BABAM2: variants seen among roughly 807,000 people sequenced by gnomAD.
BABAM2 encodes BRISC and BRCA1-A complex member 2.
BABAM2 carries 31 observed loss-of-function variants against 54.7 expected under a neutral mutation model. That is an observed-to-expected ratio of 0.57 (90% CI 0.43 to 0.77). BABAM2 has a LOEUF of 0.77. Ranked by LOEUF, BABAM2 falls within the 30% of genes least tolerant of loss-of-function variation. BABAM2 has a pLI of 0.00. For missense variants in BABAM2, 364 were observed against 455.8 expected, an observed-to-expected ratio of 0.80 and a Z score of 1.83; for synonymous variants, 167 against 162.9, an observed-to-expected ratio of 1.03 and a Z score of -0.19.
At chr2:28,316,344 C>T (rs1000851086) in intron 11 of BABAM2, among the ~76,000 whole-genome samples, 2 of 146,508 alleles carry the variant, frequency 1.4e-5, no homozygotes, top group Admixed American at 1.4e-4. Context: ...GTAGAGACAT[C>T]AAATCTAATG....
chr2:28,271,741 C>G (rs1347158198), intron 10 of BABAM2, among the ~76,000 whole-genome samples: 1 of 152,182 alleles, frequency 6.6e-6, no homozygotes, highest in East Asian at 1.9e-4. Flanking sequence ...TGGTACAATA[C>G]AGAAAGACTC....
intron 6 of BABAM2, among the ~76,000 whole-genome samples, chr2:28,066,648 A>G (rs1440172698): frequency 1.3e-5 from 2 of 152,130 alleles, no homozygotes; most frequent in Non-Finnish European, 2.9e-5. Flanking sequence ...AAGATGGTTC[A>G]CTCACATGGC....
chr2:28,311,910 T>G (rs895830970), intron 11 of BABAM2, among the ~76,000 whole-genome samples: 1 of 152,236 alleles, frequency 6.6e-6, no homozygotes, highest in African/African-American at 2.4e-5. Flanking sequence ...AACACTTCAG[T>G]TGCAGAACGT....
chr2:28,079,137 A>G (rs544436385), intron 6 of BABAM2, among the ~76,000 whole-genome samples: 1 of 152,356 alleles, frequency 6.6e-6, no homozygotes, highest in African/African-American at 2.4e-5. Context: ...AAATGGCAAT[A>G]AAATCATTTC....
intron 6 of BABAM2, among the ~76,000 whole-genome samples, chr2:28,074,573 G>C (rs934628492): frequency 2.6e-5 from 4 of 152,056 alleles, no homozygotes; most frequent in Non-Finnish European, 5.9e-5. Flanking sequence ...ATAAAACAGG[G>C]TTTTTACTTC....
chr2:28,147,720 G>A (rs527601583), intron 7 of BABAM2, among the ~76,000 whole-genome samples: 8 of 152,256 alleles, frequency 5.3e-5, no homozygotes, highest in African/African-American at 9.6e-5. Context: ...TGATCCACCC[G>A]TCTCGGCCTC....
chr2:28,224,780 A>C lies in BABAM2; in HGVS notation c.681-12422A>C, dbSNP rs540813767. Among the ~76,000 whole-genome samples the C allele has an allele frequency of 8.0e-5, 12 of 150,460 alleles. No individual in the cohort carries two copies. In the South Asian group the frequency reaches 2.5e-3, roughly 32 times the overall value. On this transcript the variant is annotated intron_variant, in intron 7 of 11. Transcript: ENST00000379624. ...TGAAGCAGAATTCCAATGTTTTGAC[A>C]CACCACCACATTGTTAGCACGATAG...
At chr2:28,332,239 A>G (rs574276152) in intron 11 of BABAM2, among the ~76,000 whole-genome samples, 8 of 152,276 alleles carry the variant, frequency 5.3e-5, no homozygotes, top group African/African-American at 1.7e-4. Context: ...GCAGCAAACC[A>G]CCATGGCACA....
intron 11 of BABAM2, 52 bp downstream of exon 11, chr2:28,298,543 G>T (rs775363065): frequency 2.2e-5 from 36 of 1,605,484 alleles, no homozygotes; most frequent in Non-Finnish European, 3.1e-5. Context: ...TGTTTATCTA[G>T]TCCAGGGGTT....
intron 7 of BABAM2, among the ~76,000 whole-genome samples, chr2:28,196,836 C>CTTTTTTT (rs759950166): frequency 0.079 from 3,180 of 40,214 alleles, 1,078 homozygotes; most frequent in Middle Eastern, 0.14. Context: ...GAGACCCTGT[C>CTTTTTTT]TTTTTTTTTT....
intron 7 of BABAM2, among the ~76,000 whole-genome samples, chr2:28,221,545 A>G (rs926956740): frequency 9.2e-5 from 14 of 152,218 alleles, no homozygotes; most frequent in East Asian, 5.8e-4. Context: ...CCAATATATC[A>G]TGGCCATTTG....
At chr2:28,115,664 A>T (rs896907748) in intron 6 of BABAM2, among the ~76,000 whole-genome samples, 10 of 151,852 alleles carry the variant, frequency 6.6e-5, no homozygotes, top group Non-Finnish European at 1.5e-4. Context: ...AGATAAATAA[A>T]AAAAAGAGTA....
At chr2:28,162,592 G>A (rs544842597) in intron 7 of BABAM2, among the ~76,000 whole-genome samples, 41 of 152,304 alleles carry the variant, frequency 2.7e-4, no homozygotes, top group African/African-American at 9.6e-4. Context: ...TTCTTCCTAA[G>A]TGCTGTTATG....
chr2:28,087,888 G>A (rs557773599), intron 6 of BABAM2, among the ~76,000 whole-genome samples: 136 of 152,256 alleles, frequency 8.9e-4, no homozygotes, highest in African/African-American at 3.1e-3. Flanking sequence ...GACGTCAAGT[G>A]ATCTGCCCAT....
Position 27,988,033 on chromosome 2 carries a change from C to T in BABAM2, c.246C>T (p.Pro82=), listed in dbSNP as rs765887686. 92 of 1,613,536 alleles carry T rather than the reference C, an allele frequency of 5.7e-5. No homozygotes were observed. In the Admixed American group the frequency reaches 1.3e-3, roughly 23 times the overall value. ...ATGCCCAATACCCAGAACTGCCTCC[C>T]GATTTTATCTTTGGAGAAGATGCTG... ...IFNAQYPELP[P]DFIFGEDAEF... is the part of the protein sequence containing the mutation. The change falls in exon 4 of 12, where the codon CCC becomes CCT. Residue 82 remains proline, a synonymous_variant. Transcript: ENST00000379624.
intron 4 of BABAM2, among the ~76,000 whole-genome samples, chr2:27,994,510 G>A (rs1226689360): frequency 1.3e-5 from 2 of 152,146 alleles, no homozygotes; most frequent in African/African-American, 4.8e-5. Flanking sequence ...ACACTATGCT[G>A]ACTTATGATG....
At chr2:27,976,839 T>C (rs1671643911) in intron 3 of BABAM2, among the ~76,000 whole-genome samples, 1 of 152,176 alleles carries the variant, frequency 6.6e-6, no homozygotes, top group African/African-American at 2.4e-5. Flanking sequence ...CTGCTTCAGA[T>C]ATTAGAAGTG....
intron 10 of BABAM2, among the ~76,000 whole-genome samples, chr2:28,251,671 C>G (rs1168314734): frequency 6.6e-6 from 1 of 152,144 alleles, no homozygotes; most frequent in Non-Finnish European, 1.5e-5. Flanking sequence ...TGATGTTGCT[C>G]AAAACCTGCT....
Position 28,322,983 on chromosome 2 carries a change from G to T in BABAM2, c.1089-15467G>T, listed in dbSNP as rs980862941. ...AAAGCCAGCCCAAGGCAGGAATTTT[G>T]CTCCTGCTCTTCCAAAGCAATAGCA... On this transcript the variant is annotated intron_variant, in intron 11 of 11. Transcript: ENST00000379624. The surrounding 1 kb of genome is among the most constrained non-coding windows in gnomAD (Gnocchi z 4.1). Among the ~76,000 whole-genome samples, 3 of 152,206 alleles carry T rather than the reference G, an allele frequency of 2.0e-5. No individual in the cohort carries two copies. The highest frequency in any genetic ancestry group is 2.0e-4 in the Admixed American group (3 of 15,278).
Sources: gnomAD v4.1 joint callset for allele counts (sites outside exome capture counted in the v4.1 genomes callset) on GRCh38, gnomAD v4.1.1 for gene constraint, Gnocchi (gnomAD v3.1) non-coding constraint, MANE v1.5 for transcripts, NCBI Gene and HGNC (gene_info 2026-07-23, HGNC 2026-07-21) for gene names.